Variants in THSD7A observed in about 807,000 individuals in gnomAD.
THSD7A encodes thrombospondin type 1 domain containing 7A.
THSD7A carries 96 observed loss-of-function variants against 231.3 expected under a neutral mutation model. That is an observed-to-expected ratio of 0.41 (90% CI 0.35 to 0.49). The LOEUF (loss-of-function observed/expected upper bound fraction) is 0.49, where lower values mean the gene tolerates loss of function less well. Ranked by LOEUF, THSD7A falls within the 20% of genes least tolerant of loss-of-function variation. The probability of loss-of-function intolerance (pLI) is 0.05; values close to 1 mark genes in which losing one functional copy is unlikely to be tolerated. For missense variants in THSD7A, 2,290 were observed against 2,070.2 expected (o/e 1.11, Z -2.06); for synonymous variants, 940 against 743.3 (o/e 1.26, Z -4.30).
chr7:11,466,835 G>A (rs2128299953), intron 9 of THSD7A, among the ~76,000 whole-genome samples: 1 of 152,066 alleles, frequency 6.6e-6, no homozygotes, highest in African/African-American at 2.4e-5. Context: ...TAGTATCCTA[G>A]TGGTACCATG....
At chr7:11,752,760 A>G (rs1782543181) in intron 1 of THSD7A, among the ~76,000 whole-genome samples, 1 of 151,948 alleles carries the variant, frequency 6.6e-6, no homozygotes, top group South Asian at 2.1e-4. Flanking sequence ...TCCAAAAAAT[A>G]AATTAAAAAA....
chr7:11,596,076 A>C (rs1168513319), intron 2 of THSD7A, among the ~76,000 whole-genome samples: 1 of 152,200 alleles, frequency 6.6e-6, no homozygotes, highest in Admixed American at 6.5e-5. Flanking sequence ...CCCCTCAATC[A>C]ATTTCCAGGC....
intron 4 of THSD7A, among the ~76,000 whole-genome samples, chr7:11,584,635 T>G (rs73290823): frequency 1.4e-3 from 206 of 152,308 alleles, no homozygotes; most frequent in African/African-American, 4.8e-3. Flanking sequence ...CCAGGTTTCC[T>G]GATTCCTATC....
In THSD7A at chr7:11,371,687, G is replaced by A. The variant is rs1782057774; in HGVS notation, c.*4107C>T. On this transcript the variant is annotated 3_prime_UTR_variant, in exon 28 of 28. Transcript: ENST00000423059. ...GAACAAAGACTCGAGATGGAGGCAG[G>A]AGGATATGGGATGGTCTAAAGCAAG... The A allele has an allele frequency of 6.6e-6, 1 of 151,570 alleles. No individual in the cohort carries two copies. Among genetic ancestry groups the A allele is most frequent in the African/African-American group, 2.4e-5 (1 of 41,238 alleles). 9.4% of individuals were successfully genotyped at this position (151,570 alleles called of 1,614,324 possible).
chr7:11,589,238 A>G (rs541830751), intron 4 of THSD7A, among the ~76,000 whole-genome samples: 5 of 152,166 alleles, frequency 3.3e-5, no homozygotes, highest in African/African-American at 9.6e-5. Flanking sequence ...AGGAAATCCA[A>G]TCCTTTCCTC....
chr7:11,806,999 T>C (rs535109895), intron 1 of THSD7A, among the ~76,000 whole-genome samples: 4 of 152,236 alleles, frequency 2.6e-5, no homozygotes, highest in Admixed American at 2.0e-4. Flanking sequence ...TCTCTAAATA[T>C]ATATATATAT....
intron 23 of THSD7A, among the ~76,000 whole-genome samples, chr7:11,389,916 T>C (rs1182501099): frequency 6.6e-6 from 1 of 152,202 alleles, no homozygotes; most frequent in Non-Finnish European, 1.5e-5. Context: ...AAAATTCTTT[T>C]CTTTAAGAAT....
intron 2 of THSD7A, among the ~76,000 whole-genome samples, chr7:11,607,062 A>G (rs544077293): frequency 3.9e-5 from 6 of 152,094 alleles, no homozygotes; most frequent in Non-Finnish European, 7.4e-5. Flanking sequence ...TTCAAGGTAG[A>G]TGCATTTTTC....
chr7:11,447,196 C>T (rs369146111), intron 12 of THSD7A, 34 bp downstream of exon 12: 269 of 1,599,124 alleles, frequency 1.7e-4, no homozygotes, highest in African/African-American at 3.2e-4. Flanking sequence ...TCTACTTTGA[C>T]GTGTACTGGC....
intron 1 of THSD7A, among the ~76,000 whole-genome samples, chr7:11,811,072 A>G (rs1784516377): frequency 6.6e-6 from 1 of 152,202 alleles, no homozygotes; most frequent in Non-Finnish European, 1.5e-5. Flanking sequence ...TGCAGATTAA[A>G]TTATGTGGCA....
At chr7:11,601,942 A>G (rs928329858) in intron 2 of THSD7A, among the ~76,000 whole-genome samples, 2 of 152,190 alleles carry the variant, frequency 1.3e-5, no homozygotes, top group African/African-American at 4.8e-5. Context: ...TGGATTTCCT[A>G]AAAGCAAGGC....
At position 11,632,548 on chromosome 7, in the gene THSD7A, G is replaced by A. The variant is rs1402268338; in HGVS notation, c.1022+3582C>T. 6.6e-6 allele frequency among the ~76,000 whole-genome samples: 1 copy of A among 152,004 alleles called. No individual in the cohort carries two copies. Among genetic ancestry groups the A allele is most frequent in the Non-Finnish European group, 1.5e-5 (1 of 67,972 alleles). ...GGAAAAGGTCTTATTTTTACCACTT[G>A]CTTTCTAATTTTCATTTCCTTCTCT... On this transcript the variant is annotated intron_variant, in intron 2 of 27. Transcript: ENST00000423059. The surrounding 1 kb of genome is among the most constrained non-coding windows in gnomAD (Gnocchi z 4.1).
intron 1 of THSD7A, among the ~76,000 whole-genome samples, chr7:11,752,249 G>C (rs945674103): frequency 6.6e-6 from 1 of 151,984 alleles, no homozygotes; most frequent in Non-Finnish European, 1.5e-5. Context: ...TTTCAGGGTC[G>C]AGGAGTTTCA....
intron 23 of THSD7A, chr7:11,384,006 T>C (rs1046153650): frequency 6.6e-5 from 10 of 152,136 alleles, no homozygotes; most frequent in South Asian, 2.1e-4. Context: ...TAAGTTAGAC[T>C]TCACAGAGAT....
intron 11 of THSD7A, among the ~76,000 whole-genome samples, chr7:11,448,493 G>C (rs2128294968): frequency 6.6e-6 from 1 of 152,214 alleles, no homozygotes; most frequent in East Asian, 1.9e-4. Context: ...TTATGGTCTA[G>C]GCTGAAACTG....
chr7:11,699,832 A>G (rs919302631), intron 1 of THSD7A, among the ~76,000 whole-genome samples: 2 of 151,226 alleles, frequency 1.3e-5, no homozygotes, highest in Non-Finnish European at 1.5e-5. Flanking sequence ...AGAGTGTGCT[A>G]TAAAGCGACT....
chr7:11,455,206 T>C (rs1022185802), intron 11 of THSD7A, among the ~76,000 whole-genome samples: 3 of 152,014 alleles, frequency 2.0e-5, no homozygotes, highest in African/African-American at 7.2e-5. Context: ...TAGGTCTTCG[T>C]CAAGAACCAA....
chr7:11,488,281 ATTT>A (rs1786745276), intron 6 of THSD7A, among the ~76,000 whole-genome samples: 1 of 152,156 alleles, frequency 6.6e-6, no homozygotes, highest in East Asian at 1.9e-4. Context: ...GTCTTTATAT[ATTT>A]ATTTATTGAT....
intron 4 of THSD7A, among the ~76,000 whole-genome samples, chr7:11,579,193 T>C (rs996435148): frequency 6.6e-6 from 1 of 152,216 alleles, no homozygotes; most frequent in Non-Finnish European, 1.5e-5. Context: ...CCCTTTTTAT[T>C]GCCCATTGCT....
Sources: allele counts gnomAD v4.1 joint callset (sites outside exome capture counted in the v4.1 genomes callset), GRCh38; gene constraint gnomAD v4.1.1; non-coding constraint Gnocchi (gnomAD v3.1); transcripts MANE v1.5; gene names NCBI Gene and HGNC (gene_info 2026-07-23, HGNC 2026-07-21).